TTC8: variants seen among roughly 807,000 people sequenced by gnomAD.
The protein encoded by TTC8 is tetratricopeptide repeat domain 8, also known as tetratricopeptide repeat protein 8.
Under a neutral mutation model 72.5 loss-of-function variants are expected in TTC8, and 47 were observed. That is an observed-to-expected ratio of 0.65 (90% CI 0.51 to 0.83). The LOEUF is 0.83. TTC8 is among the 40% of genes least tolerant of loss of function. The pLI is 0.00. For missense variants in TTC8, 611 were observed against 623.2 expected, an observed-to-expected ratio of 0.98 and a Z score of 0.21; for synonymous variants, 199 against 221.4, an observed-to-expected ratio of 0.90 and a Z score of 0.90.
chr14:88,846,064 T>G (rs2094804943), intron 7 of TTC8, among the ~76,000 whole-genome samples: 1 of 152,108 alleles, frequency 6.6e-6, no homozygotes, highest in Non-Finnish European at 1.5e-5. Context: ...CCCAGCACTT[T>G]GGGAGGCTGA....
chr14:88,850,652 TC>T (rs2094829262), intron 7 of TTC8, among the ~76,000 whole-genome samples: 1 of 152,140 alleles, frequency 6.6e-6, no homozygotes, highest in Admixed American at 6.5e-5. Flanking sequence ...GCCACTGCAC[TC>T]CATCCAGCCT....
intron 1 of TTC8, among the ~76,000 whole-genome samples, chr14:88,827,598 G>A (rs1249980810): frequency 1.3e-5 from 2 of 152,028 alleles, no homozygotes; most frequent in Non-Finnish European, 2.9e-5. Context: ...AAGTTTACAG[G>A]GCTTACTCAT....
upstream of TTC8, chr14:88,824,329 G>C (rs767082862): frequency 4.1e-6 from 1 of 244,374 alleles, no homozygotes; most frequent in Non-Finnish European, 8.2e-6. Flanking sequence ...ATCAACTCCA[G>C]GGACTCTTCC....
At chr14:88,876,749 A>G (rs2094958980) in intron 14 of TTC8, among the ~76,000 whole-genome samples, 1 of 152,184 alleles carries the variant, frequency 6.6e-6, no homozygotes. Context: ...TATTTTCCCA[A>G]CATTATTGTG....
chr14:88,862,318 T>C (rs1829895013), intron 10 of TTC8, among the ~76,000 whole-genome samples: 1 of 151,606 alleles, frequency 6.6e-6, no homozygotes. Context: ...CTTTTGTCCA[T>C]ATTTAAATTG....
At chr14:88,865,833 A>G (rs1313002386) in intron 10 of TTC8, among the ~76,000 whole-genome samples, 1 of 152,120 alleles carries the variant, frequency 6.6e-6, no homozygotes, top group Non-Finnish European at 1.5e-5. Flanking sequence ...TTAAGTCTAC[A>G]TTAATAAAAT....
At chr14:88,840,975 C>T (rs1189826778) in intron 4 of TTC8, 47 bp downstream of exon 4, 2 of 1,613,746 alleles carry the variant, frequency 1.2e-6, no homozygotes, top group Non-Finnish European at 1.7e-6. Context: ...ATTGATCAGA[C>T]TGTATGAGAG....
rs764265399 is a variant in TTC8 at position 88,857,233 on chromosome 14, C to G, written c.754C>G (p.Leu252Val). ...REAEKQFKSALKQQEMVDTFL... is the reference protein window; with the variant it reads ...REAEKQFKSAVKQQEMVDTFL... ...AGCAGAAAAACAGTTTAAATCAGCC[C>G]TGAAGCAGCAGGAAATGGTAGATAC... is the stretch of plus-strand genomic sequence containing the variant. Residue 252 changes from leucine (L) to valine (V), a missense_variant, in exon 9 of 15, where the codon CTG (leucine) becomes GTG (valine). Physicochemically the swap from Leu to Val is conservative, Grantham distance 32 (BLOSUM62 1). Transcript: ENST00000380656. 3.7e-6 allele frequency: 6 copies of G among 1,613,846 alleles called. 1 individual carries two copies. In the South Asian group the frequency reaches 6.6e-5, roughly 18 times the overall value.
intron 10 of TTC8, among the ~76,000 whole-genome samples, chr14:88,862,514 A>C (rs114453489): frequency 0.019 from 2,158 of 116,542 alleles, 40 homozygotes; most frequent in African/African-American, 0.033. Context: ...TACTGACATT[A>C]CATTCCATTC....
chr14:88,875,018 A>G lies in TTC8; in HGVS notation c.1348-8A>G, dbSNP rs774603234. ...TTTGGTTTTTCTTTTCTTTATTTTT[A>G]TACACAGGCAAGGGCACTATTACAA... On this transcript the variant is annotated splice_region_variant and splice_polypyrimidine_tract_variant and intron_variant, in intron 13 of 14. Coordinates refer to ENST00000380656, the MANE Select transcript of TTC8 (RefSeq NM_144596.4). 8 of 1,608,290 alleles carry G rather than the reference A, an allele frequency of 5.0e-6. No individual in the cohort carries two copies. Among genetic ancestry groups the G allele is most frequent in the Non-Finnish European group, 6.8e-6 (8 of 1,177,720 alleles).
intron 13 of TTC8, among the ~76,000 whole-genome samples, chr14:88,873,031 G>A (rs1239027401): frequency 2.6e-5 from 4 of 152,180 alleles, no homozygotes; most frequent in African/African-American, 9.6e-5. Context: ...CAACCTGAGA[G>A]ATTTTTTTTA....
chr14:88,853,164 G>A, intron 8 of TTC8, 108 bp downstream of exon 8: 1 of 781,786 alleles, frequency 1.3e-6, no homozygotes, highest in Non-Finnish European at 2.2e-6. Context: ...AATGAGAACT[G>A]TGTCTTTGAC....
rs1013144601 is a variant in TTC8 at position 88,838,205 on chromosome 14, C to T, written c.145-1247C>T. 7.9e-5 allele frequency among the ~76,000 whole-genome samples: 12 copies of T among 152,166 alleles called. No homozygotes were observed. The East Asian group carries it at 2.1e-3, about 27-fold the overall frequency. On this transcript the variant is annotated intron_variant, in intron 2 of 14. Coordinates refer to ENST00000380656, the MANE Select transcript of TTC8 (RefSeq NM_144596.4). The stretch of plus-strand genomic sequence containing the variant: ...AGCTCACAAAAGGATCTTTGCTTTC[C>T]AACATCTATAAAACCACACACTTGT...
chr14:88,852,184 A>G (rs1237428138), intron 7 of TTC8, among the ~76,000 whole-genome samples: 1 of 152,202 alleles, frequency 6.6e-6, no homozygotes. Context: ...ATTTCTACAA[A>G]GACTGATTTG....
chr14:88,857,272 G>A lies in TTC8; in HGVS notation c.793G>A (p.Ala265Thr), dbSNP rs201576857. The change falls in exon 9 of 15, where the codon GCA (alanine) becomes ACA (threonine). Residue 265 changes from alanine to threonine, a missense_variant. Transcript: ENST00000380656. ...QEMVDTFLYL[A>T]KVYVSLDQPV... The stretch of plus-strand genomic sequence containing the variant: ...AATGGTAGATACATTTCTGTACTTG[G>A]CAAAAGTAAGTAAATCTTAATTTGA... 20 of 1,613,290 alleles carry A rather than the reference G, an allele frequency of 1.2e-5. No individual in the cohort carries two copies. The highest frequency in any genetic ancestry group is 1.7e-5 in the Non-Finnish European group (20 of 1,179,372).
downstream of TTC8, chr14:88,879,855 T>G (rs2094968599): frequency 6.6e-6 from 1 of 152,012 alleles, no homozygotes; most frequent in Admixed American, 6.6e-5. Flanking sequence ...TTTTGTATTT[T>G]TAGTAGAGAC....
At chr14:88,846,675 T>C (rs569105375) in intron 7 of TTC8, 2 of 1,432,610 alleles carry the variant, frequency 1.4e-6, no homozygotes, top group Non-Finnish European at 1.9e-6. Context: ...TTGAAAAAAA[T>C]GTAAGATTTA....
At chr14:88,830,077 T>A (rs2094719177) in intron 1 of TTC8, among the ~76,000 whole-genome samples, 1 of 152,146 alleles carries the variant, frequency 6.6e-6, no homozygotes, top group Non-Finnish European at 1.5e-5. Context: ...TCTCTTAAAC[T>A]TTTTCCCCCT....
chr14:88,840,866 C>A lies in TTC8; in HGVS notation c.267C>A (p.Arg89=), dbSNP rs200113889. 1.2e-4 allele frequency: 187 copies of A among 1,613,834 alleles called. No homozygotes were observed. Among genetic ancestry groups the A allele is most frequent in the Middle Eastern group, 6.6e-4 (4 of 6,084 alleles). Residue 89 remains arginine (R), a splice_region_variant and synonymous_variant, in exon 4 of 15, where the codon CGC becomes CGA. Transcript: ENST00000380656. ...TGTATTAGCCATCTTGTCTCCTAGG[C>A]CCTGGAACGTCTTTGAAACTCCCTG... ...LDENAIAQVP[R]PGTSLKLPGT...
Sources: gnomAD v4.1 joint callset for allele counts (sites outside exome capture counted in the v4.1 genomes callset) on GRCh38, gnomAD v4.1.1 for gene constraint, MANE v1.5 for transcripts, NCBI Gene and HGNC (gene_info 2026-07-23, HGNC 2026-07-21) for gene names.